Variants in FBXO25 observed in about 807,000 individuals in gnomAD.
FBXO25 encodes F-box only protein 25.
Under a neutral mutation model 51.9 loss-of-function variants are expected in FBXO25, and 45 were observed. That is an observed-to-expected ratio of 0.87 (90% CI 0.68 to 1.11). FBXO25 has a LOEUF of 1.11. FBXO25 is among the 50% of genes most tolerant of loss of function. The pLI is 0.00. For synonymous variants in FBXO25, 199 were observed against 151.0 expected (o/e 1.32, Z -2.33); for missense variants, 507 against 428.5 (o/e 1.18, Z -1.62).
intron 2 of FBXO25, among the ~76,000 whole-genome samples, chr8:416,278 C>T (rs917833872): frequency 1.3e-5 from 2 of 152,204 alleles, no homozygotes; most frequent in African/African-American, 2.4e-5. Flanking sequence ...TGTTCGGCTC[C>T]CTACATACTC....
intron 2 of FBXO25, among the ~76,000 whole-genome samples, chr8:428,303 G>C (rs1797614028): frequency 1.3e-5 from 2 of 152,196 alleles, no homozygotes; most frequent in South Asian, 4.2e-4. Context: ...GAGAGTTAAG[G>C]GCTGTTAGCT....
intron 2 of FBXO25, among the ~76,000 whole-genome samples, chr8:425,395 ACTTT>A (rs1797411535): frequency 6.8e-6 from 1 of 146,932 alleles, no homozygotes; most frequent in African/African-American, 2.5e-5. Flanking sequence ...AGCACTTGTA[ACTTT>A]CTTATTTTTT....
intron 8 of FBXO25, among the ~76,000 whole-genome samples, chr8:459,137 C>G (rs369975724): frequency 3.5e-4 from 53 of 152,334 alleles, no homozygotes; most frequent in African/African-American, 1.2e-3. Flanking sequence ...TCTGCAGAAA[C>G]TGGGGGTTCC....
Position 474,460 on chromosome 8 carries a change from T to G in FBXO25, c.*5656T>G, listed in dbSNP as rs1322635338. 3.2e-6 allele frequency: 1 copy of G among 309,892 alleles called. No homozygotes were observed. The highest frequency in any genetic ancestry group is 6.2e-6 in the Non-Finnish European group (1 of 160,830). 19.2% of individuals were successfully genotyped at this position (309,892 alleles called of 1,614,324 possible). A position where few individuals can be genotyped will look rare whatever the true frequency, so the allele number is the denominator to read the frequency against. On this transcript the variant is annotated 3_prime_UTR_variant, in exon 10 of 10. Coordinates refer to ENST00000350302, the MANE Select transcript of FBXO25 (RefSeq NM_183420.2). ...ATATGGCAATCCTATGTTTAATTTC[T>G]TAGGGCACTGCCATAAGTGTTTTAC...
rs1217768702 is a variant in FBXO25 at position 462,997 on chromosome 8, G to C, written c.844-10G>C. ...TTATGCGGATTCTGAATGGAGTTTT[G>C]TTTGTTTAGTTTTGTAGACATTTGA... On this transcript the variant is annotated splice_polypyrimidine_tract_variant and intron_variant, in intron 8 of 9. Transcript: ENST00000350302. 5 of 1,598,374 alleles carry C rather than the reference G, an allele frequency of 3.1e-6. No homozygotes were observed. In the Admixed American group the frequency reaches 5.4e-5, roughly 17 times the overall value.
chr8:466,842 C>T (rs1001924091), intron 9 of FBXO25, among the ~76,000 whole-genome samples: 4 of 152,194 alleles, frequency 2.6e-5, no homozygotes, highest in Non-Finnish European at 4.4e-5. Context: ...CAAAGACTGA[C>T]TTCGATGGCC....
intron 6 of FBXO25, 145 bp from the exon 7 acceptor site, chr8:451,124 G>A (rs1799057725): frequency 1.6e-6 from 1 of 632,138 alleles, no homozygotes; most frequent in Non-Finnish European, 2.6e-6. Flanking sequence ...TCCTTTTTAG[G>A]GCTGAATAAT....
chr8:429,247 G>A (rs747689739), intron 2 of FBXO25, among the ~76,000 whole-genome samples: 1 of 152,074 alleles, frequency 6.6e-6, no homozygotes, highest in East Asian at 1.9e-4. Flanking sequence ...CATAATGAGC[G>A]TGAGGTAGTA....
chr8:454,465 C>T (rs568008991), intron 7 of FBXO25, among the ~76,000 whole-genome samples: 11 of 152,338 alleles, frequency 7.2e-5, no homozygotes, highest in African/African-American at 2.4e-4. Flanking sequence ...TAGCCTTTAG[C>T]ATGGGGCCTC....
At chr8:468,073 T>G in intron 9 of FBXO25, 4 of 1,130,438 alleles carry the variant, frequency 3.5e-6, no homozygotes, top group Non-Finnish European at 4.3e-6. Flanking sequence ...CCCCAGAGCC[T>G]CTGGTCCCGT....
intron 5 of FBXO25, among the ~76,000 whole-genome samples, chr8:441,466 T>A (rs1238574718): frequency 6.6e-6 from 1 of 152,236 alleles, no homozygotes; most frequent in Non-Finnish European, 1.5e-5. Context: ...GGCAAAGACT[T>A]GATGTCTAAA....
chr8:456,427 G>T (rs1385285848), intron 7 of FBXO25, among the ~76,000 whole-genome samples: 1 of 152,164 alleles, frequency 6.6e-6, no homozygotes, highest in African/African-American at 2.4e-5. Flanking sequence ...AAAGATGGAA[G>T]GATGGGCTAA....
intron 7 of FBXO25, among the ~76,000 whole-genome samples, chr8:458,135 C>G (rs1453260920): frequency 6.6e-6 from 1 of 152,224 alleles, no homozygotes; most frequent in Non-Finnish European, 1.5e-5. Context: ...GCAGTAGGGC[C>G]TCACCCAGGA....
intron 1 of FBXO25, among the ~76,000 whole-genome samples, chr8:408,090 T>C (rs1247013708): frequency 6.6e-6 from 1 of 152,232 alleles, no homozygotes; most frequent in Non-Finnish European, 1.5e-5. Flanking sequence ...TGTGATTATC[T>C]GTAAGTCCTT....
chr8:421,185 G>C (rs891784110), intron 2 of FBXO25, among the ~76,000 whole-genome samples: 31 of 152,200 alleles, frequency 2.0e-4, no homozygotes. Flanking sequence ...CTGTGTATGT[G>C]AATGATCTAG....
chr8:469,066 C>CTA lies in FBXO25; in HGVS notation c.*271_*272dup, dbSNP rs142351881. 5,335 of 359,312 alleles carry CTA rather than the reference C, an allele frequency of 0.015. 71 individuals are homozygous for CTA. The highest frequency in any genetic ancestry group is 0.027 in the Middle Eastern group (36 of 1,344). 22.3% of individuals were successfully genotyped at this position (359,312 alleles called of 1,614,324 possible). Reference sequence around the variant, plus strand: ...GTGAAATTTTGCGTACTCTCTCTCTCTATATATATAGTTCAAAAATACTTT... The same window carrying CTA: ...GTGAAATTTTGCGTACTCTCTCTCTCTATATATATATAGTTCAAAAATACTTT... On this transcript the variant is annotated 3_prime_UTR_variant, in exon 10 of 10. Coordinates refer to ENST00000350302, the MANE Select transcript of FBXO25 (RefSeq NM_183420.2).
chr8:414,221 A>G (rs1156794355), intron 2 of FBXO25, among the ~76,000 whole-genome samples: 4 of 152,316 alleles, frequency 2.6e-5, no homozygotes, highest in Admixed American at 6.5e-5. Flanking sequence ...CCACGCTAAG[A>G]TGTATTTAAT....
At chr8:459,128 C>A (rs1799644867) in intron 8 of FBXO25, among the ~76,000 whole-genome samples, 1 of 152,222 alleles carries the variant, frequency 6.6e-6, no homozygotes, top group Non-Finnish European at 1.5e-5. Context: ...TCCTGGGCCT[C>A]TGCAGAAACT....
chr8:414,886 C>G (rs1455034811), intron 2 of FBXO25, among the ~76,000 whole-genome samples: 2 of 152,194 alleles, frequency 1.3e-5, no homozygotes, highest in Non-Finnish European at 2.9e-5. Flanking sequence ...GCTTCCTACT[C>G]TGCCATTTCG....
Sources: gnomAD v4.1 joint callset for allele counts (sites outside exome capture counted in the v4.1 genomes callset) on GRCh38, gnomAD v4.1.1 for gene constraint, MANE v1.5 for transcripts, NCBI Gene and HGNC (gene_info 2026-07-23, HGNC 2026-07-21) for gene names.